Variants in CTNND2 observed in about 807,000 individuals in gnomAD.
CTNND2 encodes the protein catenin delta 2, also known as catenin delta-2.
Under a neutral mutation model 144.4 loss-of-function variants are expected in CTNND2, and 22 were observed. The ratio of observed to expected loss-of-function variants is 0.15; its 90% CI spans 0.11 to 0.22. The LOEUF (loss-of-function observed/expected upper bound fraction) is 0.22. CTNND2 is among the 10% of genes least tolerant of loss of function. The pLI is 1.00. For synonymous variants in CTNND2, 751 were observed against 695.6 expected (o/e 1.08, Z -1.25); for missense variants, 1,353 against 1,618.8 (o/e 0.84, Z 2.82).
At chr5:11,589,319 A>ACG (rs1561596539) in intron 2 of CTNND2, among the ~76,000 whole-genome samples, 50 of 150,518 alleles carry the variant, frequency 3.3e-4, no homozygotes, top group African/African-American at 1.2e-3. Context: ...ACACGACAAC[A>ACG]ACAACAACAA....
At chr5:11,756,294 C>G (rs1788933106) in intron 1 of CTNND2, among the ~76,000 whole-genome samples, 1 of 151,560 alleles carries the variant, frequency 6.6e-6, no homozygotes, top group Admixed American at 6.6e-5. Context: ...ATACAGTACT[C>G]AAAAACTGAA....
intron 2 of CTNND2, among the ~76,000 whole-genome samples, chr5:11,639,550 G>A (rs1050125857): frequency 1.5e-4 from 23 of 152,080 alleles, no homozygotes; most frequent in Non-Finnish European, 2.5e-4. Flanking sequence ...TCTCTAATAC[G>A]ATATTAACAT....
intron 15 of CTNND2, among the ~76,000 whole-genome samples, chr5:11,085,392 T>C (rs16901244): frequency 0.026 from 3,960 of 152,322 alleles, 86 homozygotes; most frequent in Middle Eastern, 0.054. Context: ...TTTCCAATGT[T>C]ATCACAGTAA....
chr5:11,419,833 C>T (rs1178916869), intron 3 of CTNND2, among the ~76,000 whole-genome samples: 2 of 152,184 alleles, frequency 1.3e-5, no homozygotes, highest in Non-Finnish European at 2.9e-5. Flanking sequence ...CTCAAATATA[C>T]TCTTATTGTC....
At chr5:11,383,836 C>G (rs567087725) in intron 7 of CTNND2, among the ~76,000 whole-genome samples, 1 of 152,294 alleles carries the variant, frequency 6.6e-6, no homozygotes, top group South Asian at 2.1e-4. Flanking sequence ...ATTAGTCTTT[C>G]AATCATGGTG....
At chr5:11,899,638 T>C (rs1296216511) in intron 1 of CTNND2, among the ~76,000 whole-genome samples, 1 of 152,192 alleles carries the variant, frequency 6.6e-6, no homozygotes, top group Non-Finnish European at 1.5e-5. Context: ...TATAAAACAT[T>C]AGTACCTGTC....
intron 12 of CTNND2, among the ~76,000 whole-genome samples, chr5:11,151,511 A>G (rs1384311327): frequency 6.6e-6 from 1 of 152,226 alleles, no homozygotes; most frequent in Non-Finnish European, 1.5e-5. Context: ...TTTTAAAGTG[A>G]GTAATTTGTT....
At position 11,281,135 on chromosome 5, in the gene CTNND2, C is replaced by T. The variant is rs147229895; in HGVS notation, c.1629-44312G>A. 1.4e-3 allele frequency among the ~76,000 whole-genome samples: 206 copies of T among 152,272 alleles called. 1 individual carries two copies. The highest frequency in any genetic ancestry group is 4.3e-3 in the African/African-American group (177 of 41,544). On this transcript the variant is annotated intron_variant, in intron 9 of 21. Coordinates refer to ENST00000304623, the MANE Select transcript of CTNND2 (RefSeq NM_001332.4). Reference sequence around the variant, plus strand: ...TATTATATCAAACATTTTATGTTTTCGGCCTTTTAATGGCAGACGTTTGCT... The same window carrying T: ...TATTATATCAAACATTTTATGTTTTTGGCCTTTTAATGGCAGACGTTTGCT...
At chr5:11,798,452 G>A in intron 1 of CTNND2, among the ~76,000 whole-genome samples, 1 of 152,082 alleles carries the variant, frequency 6.6e-6, no homozygotes, top group East Asian at 1.9e-4. Flanking sequence ...GAGTCCACAT[G>A]TTTTAATGTC....
intron 1 of CTNND2, among the ~76,000 whole-genome samples, chr5:11,758,664 T>C (rs544538479): frequency 6.6e-6 from 1 of 152,210 alleles, no homozygotes; most frequent in South Asian, 2.1e-4. Context: ...AACCATATCA[T>C]ATAGTAAATC....
intron 7 of CTNND2, among the ~76,000 whole-genome samples, chr5:11,368,397 G>A (rs1042494540): frequency 6.6e-6 from 1 of 152,184 alleles, no homozygotes; most frequent in Non-Finnish European, 1.5e-5. Context: ...TTGGCTGTGG[G>A]GTTGGTGTTG....
intron 9 of CTNND2, among the ~76,000 whole-genome samples, chr5:11,262,380 T>G (rs1430615239): frequency 2.6e-5 from 4 of 152,160 alleles, no homozygotes; most frequent in African/African-American, 9.7e-5. Context: ...ACAATTGTTC[T>G]GAGATACCTG....
intron 3 of CTNND2, among the ~76,000 whole-genome samples, chr5:11,439,770 A>G (rs993426045): frequency 3.3e-5 from 5 of 151,072 alleles, no homozygotes; most frequent in South Asian, 2.2e-4. Context: ...CTATCTATCT[A>G]TCTATCTATC....
intron 3 of CTNND2, among the ~76,000 whole-genome samples, chr5:11,474,738 C>G (rs1302651820): frequency 6.6e-6 from 1 of 152,198 alleles, no homozygotes; most frequent in African/African-American, 2.4e-5. Flanking sequence ...TGAAATTTCT[C>G]AAGCTTGATG....
chr5:11,188,711 T>A (rs1249965686), intron 11 of CTNND2, among the ~76,000 whole-genome samples: 1 of 152,168 alleles, frequency 6.6e-6, no homozygotes, highest in African/African-American at 2.4e-5. Context: ...AAGAGAGCCA[T>A]CCCATAAGGA....
At chr5:11,655,710 G>C (rs1246592428) in intron 2 of CTNND2, among the ~76,000 whole-genome samples, 3 of 152,002 alleles carry the variant, frequency 2.0e-5, no homozygotes, top group Non-Finnish European at 4.4e-5. Flanking sequence ...TTTTCATTCA[G>C]AGCGTAGGAA....
Position 11,274,024 on chromosome 5 carries a change from G to A in CTNND2, c.1629-37201C>T, listed in dbSNP as rs192304228. Among the ~76,000 whole-genome samples, 16 of 152,130 alleles carry A rather than the reference G, an allele frequency of 1.1e-4. No individual in the cohort carries two copies. In the East Asian group the frequency reaches 1.5e-3, roughly 15 times the overall value. On this transcript the variant is annotated intron_variant, in intron 9 of 21. Coordinates refer to ENST00000304623, the MANE Select transcript of CTNND2 (RefSeq NM_001332.4). ...TTTCATTTTTCCCATGTTTTATTTC[G>A]ACTGCTCCTGCTTCATGCTCTCCTT...
At chr5:11,181,391 G>A (rs895617962) in intron 11 of CTNND2, among the ~76,000 whole-genome samples, 2 of 152,152 alleles carry the variant, frequency 1.3e-5, no homozygotes, top group African/African-American at 4.8e-5. Flanking sequence ...GTAGACACAT[G>A]TGGGGCCACT....
chr5:11,028,523 A>T (rs1743097712), intron 16 of CTNND2, among the ~76,000 whole-genome samples: 1 of 152,126 alleles, frequency 6.6e-6, no homozygotes, highest in African/African-American at 2.4e-5. Context: ...GCATTTAAAC[A>T]ACTCCCCAAC....
Sources: allele counts gnomAD v4.1 joint callset (sites outside exome capture counted in the v4.1 genomes callset), GRCh38; gene constraint gnomAD v4.1.1; transcripts MANE v1.5; gene names NCBI Gene and HGNC (gene_info 2026-07-23, HGNC 2026-07-21).